The following WFDC3 variants were observed in gnomAD, a reference collection of about 807,000 sequenced individuals.
WFDC3 encodes WAP four-disulfide core domain protein 3.
WFDC3 carries 15 observed loss-of-function variants against 25.8 expected under a neutral mutation model. That is an observed-to-expected ratio of 0.58 (90% confidence interval 0.39 to 0.89). The LOEUF (loss-of-function observed/expected upper bound fraction) is 0.89. Ranked by LOEUF, WFDC3 falls within the 40% of genes least tolerant of loss-of-function variation. The pLI, the probability that WFDC3 is intolerant of heterozygous loss-of-function variation, is 0.00. For missense variants in WFDC3, 264 were observed against 289.8 expected, an observed-to-expected ratio of 0.91 and a Z score of 0.65; for synonymous variants, 103 against 107.1, an observed-to-expected ratio of 0.96 and a Z score of 0.24.
At position 45,791,866 on chromosome 20, in the gene WFDC3, C is replaced by T. The variant is rs1297978491; in HGVS notation, c.-42G>A. 5 of 522,296 alleles carry T rather than the reference C, an allele frequency of 9.6e-6. No individual in the cohort carries two copies. The East Asian group carries it at 1.8e-4, about 18-fold the overall frequency. The allele number at this position is 522,296 out of a possible 1,614,324, so 32.4% of individuals were successfully genotyped here. A position where few individuals can be genotyped will look rare whatever the true frequency, so the allele number is the denominator to read the frequency against. On this transcript the variant is annotated 5_prime_UTR_variant, in exon 1 of 7. Transcript: ENST00000243938. ...AAGTGTAACTGTCCTGGGCGAGGCG[C>T]GGCGGTTCGGTTCCCATGGTAACCC...
intron 4 of WFDC3, 150 bp downstream of exon 4, chr20:45,787,686 G>A: frequency 9.1e-7 from 1 of 1,099,496 alleles, no homozygotes. Flanking sequence ...TACCACAAAT[G>A]ATTATGGCTT....
At chr20:45,790,402 C>A (rs1980903152) in intron 1 of WFDC3, among the ~76,000 whole-genome samples, 1 of 152,156 alleles carries the variant, frequency 6.6e-6, no homozygotes, top group Non-Finnish European at 1.5e-5. Flanking sequence ...ATAACATAAC[C>A]AAGCATAATA....
intron 5 of WFDC3, among the ~76,000 whole-genome samples, chr20:45,776,658 A>ATGTGTGTGTGTGTGTGTG (rs1226207681): frequency 2.7e-4 from 26 of 95,286 alleles, no homozygotes; most frequent in African/African-American, 8.6e-4. Context: ...ATATATATAT[A>ATGTGTGTGTGTGTGTGTG]TATGTGTGTG....
At chr20:45,789,109 T>C (rs746170384) in intron 2 of WFDC3, 50 bp from the exon 3 acceptor site, 6 of 1,605,914 alleles carry the variant, frequency 3.7e-6, no homozygotes, top group South Asian at 2.2e-5. Context: ...GCCTCAGAAA[T>C]GGGGAATGGA....
rs1004691049 is a variant in WFDC3 at position 45,774,415 on chromosome 20, C to T, written c.*13G>A. The T allele has an allele frequency of 3.1e-6, 5 of 1,613,998 alleles. No individual in the cohort carries two copies. Among genetic ancestry groups the T allele is most frequent in the Non-Finnish European group, 4.2e-6 (5 of 1,180,024 alleles). ...CCAGAATTACCAAAGAAGCTCCAGA[C>T]AAATCAGCACAGCTAGGGCACCGGG... On this transcript the variant is annotated 3_prime_UTR_variant, in exon 7 of 7. Coordinates refer to ENST00000243938, the MANE Select transcript of WFDC3 (RefSeq NM_080614.2).
Position 45,787,891 on chromosome 20 carries a change from G to A in WFDC3, c.303C>T (p.Cys101=), listed in dbSNP as rs1254608116. 2.5e-6 allele frequency: 4 copies of A among 1,613,946 alleles called. No individual in the cohort carries two copies. In the African/African-American group the frequency reaches 4.0e-5, roughly 16 times the overall value. Residue 101 remains cysteine (C), a synonymous_variant, in exon 4 of 7, where the codon TGC becomes TGT. Transcript: ENST00000243938. ...AGCTCTTGTTGCAGCCAAGCGTGCAGCATTTCTTTACACCTGGACATGTCT... is the reference window on the plus strand; with the variant it reads ...AGCTCTTGTTGCAGCCAAGCGTGCAACATTTCTTTACACCTGGACATGTCT... The part of the protein sequence containing the change: ...TDETCPGVKK[C]CTLGCNKSCV...
At chr20:45,781,262 G>GACACAC (rs10630278) in intron 4 of WFDC3, among the ~76,000 whole-genome samples, 31 of 150,222 alleles carry the variant, frequency 2.1e-4, no homozygotes, top group Admixed American at 1.9e-3. Context: ...CACACACATA[G>GACACAC]ACACACACAC....
intron 4 of WFDC3, among the ~76,000 whole-genome samples, chr20:45,787,043 A>G (rs1391549254): frequency 1.6e-4 from 24 of 148,860 alleles, no homozygotes; most frequent in Non-Finnish European, 3.1e-4. Context: ...GCAGTGAGCC[A>G]AGATCACACC....
chr20:45,776,934 G>A (rs1467181816), intron 5 of WFDC3, 141 bp downstream of exon 5: 67 of 1,359,172 alleles, frequency 4.9e-5, no homozygotes, highest in Middle Eastern at 2.6e-4. Context: ...AGGGCCCCTC[G>A]GCCCTAGAAG....
chr20:45,786,820 C>A (rs544463537), intron 4 of WFDC3, among the ~76,000 whole-genome samples: 1 of 151,974 alleles, frequency 6.6e-6, no homozygotes, highest in Non-Finnish European at 1.5e-5. Context: ...GCAGGCCAGG[C>A]ATGGTGGCTC....
chr20:45,785,568 A>G (rs1191893164), intron 4 of WFDC3, among the ~76,000 whole-genome samples: 1 of 152,056 alleles, frequency 6.6e-6, no homozygotes, highest in Non-Finnish European at 1.5e-5. Flanking sequence ...TTTAATTTAT[A>G]TATCTAACAT....
At position 45,790,463 on chromosome 20, in the gene WFDC3, A is replaced by G. The variant is rs1453522829; in HGVS notation, c.-7-481T>C. 2.6e-5 allele frequency among the ~76,000 whole-genome samples: 4 copies of G among 152,384 alleles called. No homozygotes were observed. The East Asian group carries it at 7.7e-4, about 29-fold the overall frequency. On this transcript the variant is annotated intron_variant, in intron 1 of 6. Transcript: ENST00000243938. ...CAACCAAGAAAATACAGAATGGAAC[A>G]GACCACTCAGAAACTATCAAATAGG... is the stretch of plus-strand genomic sequence containing the variant.
At chr20:45,789,104 AGAAATGG>A (rs747836531) in intron 2 of WFDC3, 45 bp from the exon 3 acceptor site, 1 of 1,607,220 alleles carries the variant, frequency 6.2e-7, no homozygotes, top group East Asian at 2.2e-5. Context: ...GCCAGGCCTC[AGAAATGG>A]GGAATGGACC....
intron 4 of WFDC3, among the ~76,000 whole-genome samples, chr20:45,787,232 T>A: frequency 6.8e-6 from 1 of 146,954 alleles, no homozygotes. Context: ...TAACAGAGAA[T>A]ATTGCAACTG....
intron 4 of WFDC3, among the ~76,000 whole-genome samples, chr20:45,783,119 C>T (rs1980521495): frequency 6.6e-6 from 1 of 152,170 alleles, no homozygotes; most frequent in Non-Finnish European, 1.5e-5. Context: ...GCCTTCCTCA[C>T]CACTGCAGAC....
chr20:45,777,718 C>T (rs1601011152), intron 4 of WFDC3, among the ~76,000 whole-genome samples: 1 of 152,262 alleles, frequency 6.6e-6, no homozygotes, highest in African/African-American at 2.4e-5. Flanking sequence ...GACAGAGTCT[C>T]ACTATGTTCC....
chr20:45,790,189 G>T, intron 1 of WFDC3: 1 of 503,038 alleles, frequency 2.0e-6, no homozygotes, highest in Non-Finnish European at 3.6e-6. Context: ...CTACCAAAGG[G>T]GACCTGTGAT....
intron 4 of WFDC3, among the ~76,000 whole-genome samples, chr20:45,780,143 ACTGCAGC>A (rs1980379221): frequency 1.5e-5 from 2 of 135,868 alleles, no homozygotes; most frequent in African/African-American, 5.7e-5. Flanking sequence ...ATGGTGGCTT[ACTGCAGC>A]CTCAAACTCT....
At chr20:45,778,211 A>G (rs1418522783) in intron 4 of WFDC3, among the ~76,000 whole-genome samples, 1 of 152,152 alleles carries the variant, frequency 6.6e-6, no homozygotes, top group Non-Finnish European at 1.5e-5. Context: ...TGCCCCATGG[A>G]GACAGAACCT....
Sources: allele counts gnomAD v4.1 joint callset (sites outside exome capture counted in the v4.1 genomes callset), GRCh38; gene constraint gnomAD v4.1.1; transcripts MANE v1.5; gene names NCBI Gene and HGNC (gene_info 2026-07-23, HGNC 2026-07-21).